LYNX1: variants seen among roughly 807,000 people sequenced by gnomAD.
The protein encoded by LYNX1 is ly-6/neurotoxin-like protein 1.
LYNX1 carries 8 observed loss-of-function variants against 8.3 expected under a neutral mutation model. That is an observed-to-expected ratio of 0.97 (90% CI 0.57 to 1.74). LYNX1 has a LOEUF of 1.74. LYNX1 is among the 40% of genes most tolerant of loss of function. The pLI, the probability that LYNX1 is intolerant of heterozygous loss-of-function variation, is 0.00. For missense variants in LYNX1, 158 were observed against 159.7 expected (o/e 0.99, Z 0.06); for synonymous variants, 73 against 67.9 (o/e 1.08, Z -0.37).
Position 142,776,077 on chromosome 8 carries a change from G to C in LYNX1, c.-120C>G, listed in dbSNP as rs574532094. On this transcript the variant is annotated 5_prime_UTR_variant, in exon 2 of 4. Coordinates refer to ENST00000652477, the MANE Select transcript of LYNX1 (RefSeq NM_177477.4). ...GGTGGTGCGCAGAGGACGTGGGGCC[G>C]GCCCTGCCTCCCGGAGCTCCTGGTC... 2 of 1,180,070 alleles carry C rather than the reference G, an allele frequency of 1.7e-6. No individual in the cohort carries two copies. Among genetic ancestry groups the C allele is most frequent in the Non-Finnish European group, 2.4e-6 (2 of 819,008 alleles). 73.1% of individuals were successfully genotyped at this position (1,180,070 alleles called of 1,614,324 possible).
At chr8:142,777,576 C>A (rs1399284487), upstream of LYNX1, among the ~76,000 whole-genome samples, 1 of 141,622 alleles carries the variant, frequency 7.1e-6, no homozygotes, top group Non-Finnish European at 1.5e-5. Flanking sequence ...TCACCGCAGG[C>A]CCCGCCCCGG....
In LYNX1 at chr8:142,775,950, G is replaced by A. The variant is rs751037314; in HGVS notation, c.8C>T (p.Pro3Leu). The change falls in exon 2 of 4, where the codon CCC (proline) becomes CTC (leucine). Residue 3 changes from proline to leucine, a missense_variant. Transcript: ENST00000652477. MT[P>L]LLTLILVVLM... ...GACCACCAGGATCAGGGTGAGCAGG[G>A]GCGTCATGGCTGCAGGCAGGAGGGC... 24 of 1,614,106 alleles carry A rather than the reference G, an allele frequency of 1.5e-5. No homozygotes were observed. The South Asian group carries it at 2.4e-4, about 16-fold the overall frequency.
chr8:142,774,145 G>GCCCAACCCCCC lies in LYNX1; in HGVS notation c.*1021_*1022insGGGGGGTTGGG. The GCCCAACCCCCC allele has an allele frequency of 1.0e-6, 1 of 981,858 alleles. No homozygotes were observed. Among genetic ancestry groups the GCCCAACCCCCC allele is most frequent in the Non-Finnish European group, 1.2e-6 (1 of 827,992 alleles). The allele number at this position is 981,858 out of a possible 1,614,324, so 60.8% of individuals were successfully genotyped here. A position where few individuals can be genotyped will look rare whatever the true frequency, so the allele number is the denominator to read the frequency against. On this transcript the variant is annotated 3_prime_UTR_variant, in exon 4 of 4. Coordinates refer to ENST00000652477, the MANE Select transcript of LYNX1 (RefSeq NM_177477.4). ...GCTGCGGGGGAGGGGCTGGGTCTCC[G>GCCCAACCCCCC]CCCTCCCCACCCCACCCTCCCCACT... is the stretch of plus-strand genomic sequence containing the variant.
Position 142,775,235 on chromosome 8 carries a change from C to T in LYNX1, c.283G>A (p.Gly95Ser), listed in dbSNP as rs942106695. 1.7e-5 allele frequency: 28 copies of T among 1,613,520 alleles called. No homozygotes were observed. Among genetic ancestry groups the T allele is most frequent in the Middle Eastern group, 1.6e-4 (1 of 6,084 alleles). Reference protein sequence around the residue: ...CCQYDLCNGTGLATPATLALA... With the variant: ...CCQYDLCNGTSLATPATLALA... ...GCCAGGGTGGCCGGGGTGGCAAGGC[C>T]GGTGCCGTTGCAGAGGTCGTACTGG... The change falls in exon 4 of 4, where the codon GGC (glycine) becomes AGC (serine). Residue 95 changes from glycine to serine, a missense_variant. Physicochemically the swap from Gly to Ser is moderately conservative, Grantham distance 56. Transcript: ENST00000652477.
intron 1 of LYNX1, chr8:142,776,767 C>T (rs1307299861): frequency 2.0e-5 from 3 of 152,306 alleles, no homozygotes; most frequent in Non-Finnish European, 4.4e-5. Context: ...AGAAGCATTT[C>T]CCCGGCTGGG....
At position 142,772,932 on chromosome 8, in the gene LYNX1, C is replaced by T; in HGVS notation, c.*2235G>A. 7 of 985,832 alleles carry T rather than the reference C, an allele frequency of 7.1e-6. No individual in the cohort carries two copies. The highest frequency in any genetic ancestry group is 8.4e-6 in the Non-Finnish European group (7 of 830,268). The allele number at this position is 985,832 out of a possible 1,614,324, so 61.1% of individuals were successfully genotyped here. On this transcript the variant is annotated 3_prime_UTR_variant, in exon 4 of 4. Transcript: ENST00000652477. ...GGCAGGTGTGAGAAGCTGCCCACCCCACCCCTCAACACCACAGCACTTCCA... is the reference window on the plus strand; with the variant it reads ...GGCAGGTGTGAGAAGCTGCCCACCCTACCCCTCAACACCACAGCACTTCCA...
Position 142,771,646 on chromosome 8 carries a change from T to C in LYNX1, c.*3521A>G. ...GAGGAGAGCAGACCACCCAGAGTAG[T>C]GGGAGAAAGCACCGGCAGAAAAGCT... On this transcript the variant is annotated 3_prime_UTR_variant, in exon 4 of 4. Coordinates refer to ENST00000652477, the MANE Select transcript of LYNX1 (RefSeq NM_177477.4). 2 of 985,494 alleles carry C rather than the reference T, an allele frequency of 2.0e-6. No individual in the cohort carries two copies. Among genetic ancestry groups the C allele is most frequent in the Non-Finnish European group, 2.4e-6 (2 of 829,838 alleles). The allele number at this position is 985,494 out of a possible 1,614,324, so 61.0% of individuals were successfully genotyped here.
rs897853057 is a variant in LYNX1, at chr8:142,775,000, G to A, written c.*167C>T. 2.8e-6 allele frequency: 4 copies of A among 1,437,578 alleles called. No individual in the cohort carries two copies. The highest frequency in any genetic ancestry group is 2.8e-5 in the Admixed American group (1 of 36,064). The allele number at this position is 1,437,578 out of a possible 1,614,324, so 89.1% of individuals were successfully genotyped here. On this transcript the variant is annotated 3_prime_UTR_variant, in exon 4 of 4. Coordinates refer to ENST00000652477, the MANE Select transcript of LYNX1 (RefSeq NM_177477.4). ...AAGGTCAAGGCCTCGAAGTGAGGTC[G>A]TGTGGTGGTTGGGGGAGGTCGGGTG...
In LYNX1 at chr8:142,771,965, C is replaced by T. The variant is rs1397907971; in HGVS notation, c.*3202G>A. On this transcript the variant is annotated 3_prime_UTR_variant, in exon 4 of 4. Coordinates refer to ENST00000652477, the MANE Select transcript of LYNX1 (RefSeq NM_177477.4). Reference sequence around the variant, plus strand: ...ACCCCAGGGTCACTTCCTGTAGCTCCGACTTCTCTAGTGGCTGATTGCAGT... The same window carrying T: ...ACCCCAGGGTCACTTCCTGTAGCTCTGACTTCTCTAGTGGCTGATTGCAGT... 4.1e-6 allele frequency: 4 copies of T among 986,076 alleles called. No homozygotes were observed. The highest frequency in any genetic ancestry group is 4.8e-6 in the Non-Finnish European group (4 of 830,086). The allele number at this position is 986,076 out of a possible 1,614,324, so 61.1% of individuals were successfully genotyped here. A position where few individuals can be genotyped will look rare whatever the true frequency, so the allele number is the denominator to read the frequency against.
At position 142,773,562 on chromosome 8, in the gene LYNX1, C is replaced by T. The variant is rs916000953; in HGVS notation, c.*1605G>A. ...GCCCTCAGCAAGACTCTGCCCCCTCCCATCCTCATGTTCTCAGGAGACTGA... is the reference window on the plus strand; with the variant it reads ...GCCCTCAGCAAGACTCTGCCCCCTCTCATCCTCATGTTCTCAGGAGACTGA... On this transcript the variant is annotated 3_prime_UTR_variant, in exon 4 of 4. Transcript: ENST00000652477. 2.0e-6 allele frequency: 2 copies of T among 985,688 alleles called. No homozygotes were observed. Among genetic ancestry groups the T allele is most frequent in the South Asian group, 9.4e-5 (2 of 21,294 alleles). The allele number at this position is 985,688 out of a possible 1,614,324, so 61.1% of individuals were successfully genotyped here.
Position 142,773,175 on chromosome 8 carries a change from T to A in LYNX1, c.*1992A>T, listed in dbSNP as rs1815253053. On this transcript the variant is annotated 3_prime_UTR_variant, in exon 4 of 4. Transcript: ENST00000652477. Reference sequence around the variant, plus strand: ...ACTTAGGAGCCCAAAGCCGCCTCCCTCCCGGTAAGCATCCCAAGGCATCGC... The same window carrying A: ...ACTTAGGAGCCCAAAGCCGCCTCCCACCCGGTAAGCATCCCAAGGCATCGC... 5 of 985,594 alleles carry A rather than the reference T, an allele frequency of 5.1e-6. No homozygotes were observed. The highest frequency in any genetic ancestry group is 6.0e-6 in the Non-Finnish European group (5 of 830,096). 61.1% of individuals were successfully genotyped at this position (985,594 alleles called of 1,614,324 possible).
Position 142,772,254 on chromosome 8 carries a change from C to A in LYNX1, c.*2913G>T. On this transcript the variant is annotated 3_prime_UTR_variant, in exon 4 of 4. Coordinates refer to ENST00000652477, the MANE Select transcript of LYNX1 (RefSeq NM_177477.4). ...CATCTACCCCCATGAAGGGGACCCT[C>A]GGTTCTGCGAGAGAGATCCCCGAAG... 4.1e-6 allele frequency: 4 copies of A among 985,982 alleles called. No individual in the cohort carries two copies. The highest frequency in any genetic ancestry group is 4.8e-6 in the Non-Finnish European group (4 of 830,030). The allele number at this position is 985,982 out of a possible 1,614,324, so 61.1% of individuals were successfully genotyped here.
At position 142,774,476 on chromosome 8, in the gene LYNX1, C is replaced by A; in HGVS notation, c.*691G>T. The A allele has an allele frequency of 1.0e-6, 1 of 985,686 alleles. No homozygotes were observed. Among genetic ancestry groups the A allele is most frequent in the Non-Finnish European group, 1.2e-6 (1 of 830,118 alleles). The allele number at this position is 985,686 out of a possible 1,614,324, so 61.1% of individuals were successfully genotyped here. A position where few individuals can be genotyped will look rare whatever the true frequency, so the allele number is the denominator to read the frequency against. Reference sequence around the variant, plus strand: ...GCCCTCCCCGTGAGGGGGTGGGAAACGTCAAGGGGTTTGACTGAGAGGACA... The same window carrying A: ...GCCCTCCCCGTGAGGGGGTGGGAAAAGTCAAGGGGTTTGACTGAGAGGACA... On this transcript the variant is annotated 3_prime_UTR_variant, in exon 4 of 4. Transcript: ENST00000652477.
Position 142,775,170 on chromosome 8 carries a change from G to C in LYNX1, c.348C>G (p.Leu116=). 6.2e-7 allele frequency: 1 copy of C among 1,610,942 alleles called. No homozygotes were observed. ...PILLATLWGL[L] ...GAGTGGGTCTGCCTCGGGGGCTTTAGAGGAGACCCCAGAGGGTGGCCAGGA... is the reference window on the plus strand; with the variant it reads ...GAGTGGGTCTGCCTCGGGGGCTTTACAGGAGACCCCAGAGGGTGGCCAGGA... Residue 116 remains leucine (L), a synonymous_variant, in exon 4 of 4, where the codon CTC becomes CTG. Transcript: ENST00000652477.
At position 142,774,288 on chromosome 8, in the gene LYNX1, T is replaced by C. The variant is rs1350405631; in HGVS notation, c.*879A>G. ...TGCGCGCATCCCCCAGTCCTGCGTCTTTTGCCTTGCTCGGCTGGGTCCTGC... is the reference window on the plus strand; with the variant it reads ...TGCGCGCATCCCCCAGTCCTGCGTCCTTTGCCTTGCTCGGCTGGGTCCTGC... On this transcript the variant is annotated 3_prime_UTR_variant, in exon 4 of 4. Coordinates refer to ENST00000652477, the MANE Select transcript of LYNX1 (RefSeq NM_177477.4). 1 of 985,540 alleles carries C rather than the reference T, an allele frequency of 1.0e-6. No homozygotes were observed. The highest frequency in any genetic ancestry group is 1.7e-5 in the African/African-American group (1 of 57,350). 61.0% of individuals were successfully genotyped at this position (985,540 alleles called of 1,614,324 possible).
chr8:142,774,845 C>T lies in LYNX1; in HGVS notation c.*322G>A, dbSNP rs1423577168. ...CTCCTAGGGCTTCCCAGAAGGTGGG[C>T]TTGGCCACAGCTCCCATCTGCTCAG... On this transcript the variant is annotated 3_prime_UTR_variant, in exon 4 of 4. Transcript: ENST00000652477. 8.2e-7 allele frequency: 1 copy of T among 1,213,966 alleles called. No homozygotes were observed. 75.2% of individuals were successfully genotyped at this position (1,213,966 alleles called of 1,614,324 possible).
At position 142,775,595 on chromosome 8, in the gene LYNX1, G is replaced by C; in HGVS notation, c.152C>G (p.Thr51Ser). 1 of 1,588,486 alleles carries C rather than the reference G, an allele frequency of 6.3e-7. No homozygotes were observed. The highest frequency in any genetic ancestry group is 8.6e-7 in the Non-Finnish European group (1 of 1,167,590). The change falls in exon 3 of 4, where the codon ACC (threonine) becomes AGC (serine). Residue 51 changes from threonine to serine, a missense_variant and splice_region_variant. By Grantham distance (58) the Thr-to-Ser change is moderately conservative. Coordinates refer to ENST00000652477, the MANE Select transcript of LYNX1 (RefSeq NM_177477.4). The part of the protein sequence containing the change: ...AMVAYCMTTR[T>S]YYTPTRMKVS... ...CCACGCAGGGCCCCCAGACTCACAG[G>C]TGCGCGTGGTCATGCAGTAGGCAAC... is the stretch of plus-strand genomic sequence containing the variant.
At position 142,775,380 on chromosome 8, in the gene LYNX1, C is replaced by T. The variant is rs371093337; in HGVS notation, c.155-17G>A. ...GGGTGTAGTCTGCAGAGGGGCGGGG[C>T]GGTGAGCCAGCTCCGCTAAGAGGGG... On this transcript the variant is annotated splice_polypyrimidine_tract_variant and intron_variant, in intron 3 of 3. Coordinates refer to ENST00000652477, the MANE Select transcript of LYNX1 (RefSeq NM_177477.4). 3.2e-4 allele frequency: 517 copies of T among 1,610,010 alleles called. No homozygotes were observed. Among genetic ancestry groups the T allele is most frequent in the Non-Finnish European group, 3.9e-4 (464 of 1,177,986 alleles).
At position 142,774,816 on chromosome 8, in the gene LYNX1, G is replaced by C; in HGVS notation, c.*351C>G. ...ACACCAGGGGCAGACTGAGGCAGGG[G>C]CCTCTCCTAGGGCTTCCCAGAAGGT... On this transcript the variant is annotated 3_prime_UTR_variant, in exon 4 of 4. Transcript: ENST00000652477. 2 of 1,131,780 alleles carry C rather than the reference G, an allele frequency of 1.8e-6. No individual in the cohort carries two copies. The highest frequency in any genetic ancestry group is 5.0e-5 in the East Asian group (1 of 20,150). 70.1% of individuals were successfully genotyped at this position (1,131,780 alleles called of 1,614,324 possible). A position where few individuals can be genotyped will look rare whatever the true frequency, so the allele number is the denominator to read the frequency against.
Sources: gnomAD v4.1 joint callset for allele counts (sites outside exome capture counted in the v4.1 genomes callset) on GRCh38, gnomAD v4.1.1 for gene constraint, MANE v1.5 for transcripts, NCBI Gene and HGNC (gene_info 2026-07-23, HGNC 2026-07-21) for gene names.